The following ANKAR variants were observed in gnomAD, a reference collection of about 807,000 sequenced individuals.
ANKAR encodes ankyrin and armadillo repeat-containing protein.
ANKAR carries 136 observed loss-of-function variants against 146.2 expected under a neutral mutation model. That is an observed-to-expected ratio of 0.93 (90% CI 0.81 to 1.07). The LOEUF (loss-of-function observed/expected upper bound fraction) is 1.07, where lower values mean the gene tolerates loss of function less well. Ranked by LOEUF, ANKAR falls within the 50% of genes least tolerant of loss-of-function variation. ANKAR has a pLI of 0.00. For missense variants in ANKAR, 1,567 were observed against 1,679.9 expected, an observed-to-expected ratio of 0.93 and a Z score of 1.18; for synonymous variants, 500 against 575.8, an observed-to-expected ratio of 0.87 and a Z score of 1.88.
chr2:189,698,125 A>C (rs2037515393), intron 7 of ANKAR, among the ~76,000 whole-genome samples: 3 of 152,226 alleles, frequency 2.0e-5, no homozygotes, highest in East Asian at 1.9e-4. Flanking sequence ...ATGGTAAGAC[A>C]TAAATAAAGT....
rs757850902 is a variant in ANKAR at position 189,676,723 on chromosome 2, T to C, written c.233T>C (p.Val78Ala). 1.1e-5 allele frequency: 17 copies of C among 1,614,094 alleles called. No individual in the cohort carries two copies. Among genetic ancestry groups the C allele is most frequent in the Admixed American group, 5.0e-5 (3 of 60,006 alleles). ...PCGIMSQMNN[V>A]GFSTAILLTP... Reference sequence around the variant, plus strand: ...GGAATTATGAGTCAAATGAATAACGTAGGCTTCTCCACTGCAATCCTACTG... The same window carrying C: ...GGAATTATGAGTCAAATGAATAACGCAGGCTTCTCCACTGCAATCCTACTG... The change falls in exon 2 of 23, where the codon GTA (valine) becomes GCA (alanine). Residue 78 changes from valine (V) to alanine (A), a missense_variant. Physicochemically the swap from Val to Ala is moderately conservative, Grantham distance 64. Transcript: ENST00000684021.
At chr2:189,719,970 G>A (rs186257604) in intron 11 of ANKAR, among the ~76,000 whole-genome samples, 157 bp downstream of exon 11, 28 of 152,262 alleles carry the variant, frequency 1.8e-4, no homozygotes, top group Admixed American at 5.9e-4. Context: ...AAACTCCACC[G>A]AAAAGTTGGC....
At chr2:189,724,037 CA>C (rs1232793933) in intron 12 of ANKAR, among the ~76,000 whole-genome samples, 2 of 152,142 alleles carry the variant, frequency 1.3e-5, no homozygotes, top group Non-Finnish European at 2.9e-5. Flanking sequence ...GAACGTAAAC[CA>C]TGCATTTGCA....
At chr2:189,735,812 G>A (rs548892738) in intron 17 of ANKAR, among the ~76,000 whole-genome samples, 1 of 152,276 alleles carries the variant, frequency 6.6e-6, no homozygotes. Context: ...AAAATTAGTT[G>A]CATTAATTTA....
chr2:189,706,453 A>C (rs904804865), intron 8 of ANKAR, among the ~76,000 whole-genome samples: 1 of 152,154 alleles, frequency 6.6e-6, no homozygotes, highest in African/African-American at 2.4e-5. Context: ...GGATAGCCAA[A>C]CAAAATATCT....
At chr2:189,757,929 G>T (rs1474385516) in intron 18 of ANKAR, among the ~76,000 whole-genome samples, 3 of 152,196 alleles carry the variant, frequency 2.0e-5, no homozygotes, top group African/African-American at 4.8e-5. Context: ...TGCTCACTTA[G>T]TGATATGGTT....
At chr2:189,741,236 G>T in intron 19 of ANKAR, 106 bp from the exon 20 acceptor site, 1 of 644,580 alleles carries the variant, frequency 1.6e-6, no homozygotes. Context: ...CATTGACAGA[G>T]ATGTCTTGTG....
intron 20 of ANKAR, 117 bp from the exon 21 acceptor site, chr2:189,743,157 AT>A (rs2105903299): frequency 1.1e-6 from 1 of 910,822 alleles, no homozygotes; most frequent in African/African-American, 1.7e-5. Context: ...TTGCATACAT[AT>A]TTGCTTACAC....
Position 189,706,969 on chromosome 2 carries a change from ACTT to A in ANKAR, c.1944_1946del (p.Ser649del). The stretch of plus-strand genomic sequence containing the variant: ...GTGCACTCCACTGTTACTTGCTGCC[ACTT>A]CAGGAGCACTGGACACTATTCAATA... On this transcript the variant is annotated inframe_deletion, in exon 9 of 23. Transcript: ENST00000684021. The A allele has an allele frequency of 6.2e-7, 1 of 1,612,972 alleles. No homozygotes were observed. Among genetic ancestry groups the A allele is most frequent in the Non-Finnish European group, 8.5e-7 (1 of 1,179,530 alleles).
Position 189,695,131 on chromosome 2 carries a change from G to A in ANKAR, c.1458G>A (p.Lys486=), listed in dbSNP as rs2037006339. 6.2e-7 allele frequency: 1 copy of A among 1,606,214 alleles called. No individual in the cohort carries two copies. Among genetic ancestry groups the A allele is most frequent in the African/African-American group, 1.3e-5 (1 of 74,298 alleles). The change falls in exon 6 of 23, where the codon AAG becomes AAA. Residue 486 remains lysine (K), a synonymous_variant. Transcript: ENST00000684021. ...DAQLHEQFKK[K]LGFKRAMKCK... ...AATTACATGAACAATTTAAGAAAAA[G>A]CTTGGTTTCAAAAGAGCTATGAAAT...
chr2:189,762,198 A>G (rs1446295974), downstream of ANKAR, among the ~76,000 whole-genome samples: 1 of 152,232 alleles, frequency 6.6e-6, no homozygotes, highest in Non-Finnish European at 1.5e-5. Context: ...TTGGAATTAA[A>G]TCTCCACTTT....
chr2:189,682,708 G>A (rs16831859), intron 2 of ANKAR, among the ~76,000 whole-genome samples: 2,837 of 152,306 alleles, frequency 0.019, 88 homozygotes, highest in African/African-American at 0.064. Flanking sequence ...AAACAAGGAC[G>A]TGAGTCAAGT....
chr2:189,712,715 C>T (rs2039877581), intron 10 of ANKAR, among the ~76,000 whole-genome samples: 1 of 152,290 alleles, frequency 6.6e-6, no homozygotes, highest in Admixed American at 6.5e-5. Flanking sequence ...CACCTCTTCT[C>T]CTCCAAAGGA....
At chr2:189,735,328 A>T (rs907700292) in intron 17 of ANKAR, among the ~76,000 whole-genome samples, 10 of 152,208 alleles carry the variant, frequency 6.6e-5, no homozygotes, top group Non-Finnish European at 1.3e-4. Flanking sequence ...GGTTTAACCA[A>T]AGGATTTATC....
In ANKAR at chr2:189,742,103, C is replaced by A. The variant is rs534778346; in HGVS notation, c.3810+652C>A. Among the ~76,000 whole-genome samples, 10 of 152,276 alleles carry A rather than the reference C, an allele frequency of 6.6e-5. No individual in the cohort carries two copies. The South Asian group carries it at 1.9e-3, about 28-fold the overall frequency. Reference sequence around the variant, plus strand: ...CTGAGTGTTCCCCTACTCTCTTCCACTAAGGTCTAAAGCAGTGTTACTCCA... The same window carrying A: ...CTGAGTGTTCCCCTACTCTCTTCCAATAAGGTCTAAAGCAGTGTTACTCCA... On this transcript the variant is annotated intron_variant, in intron 20 of 22. Coordinates refer to ENST00000684021, the MANE Select transcript of ANKAR (RefSeq NM_001378068.1).
In ANKAR at chr2:189,727,796, C is replaced by T. The variant is rs2042038173; in HGVS notation, c.2636-60C>T. 4.5e-6 allele frequency: 7 copies of T among 1,555,072 alleles called. No homozygotes were observed. The East Asian group carries it at 1.4e-4, about 30-fold the overall frequency. On this transcript the variant is annotated intron_variant, in intron 12 of 22. Coordinates refer to ENST00000684021, the MANE Select transcript of ANKAR (RefSeq NM_001378068.1). ...AATATGGGAAACTAATGATATGCTG[C>T]ACTTTGATATTCTTATTTTTCATAA...
rs761609665 is a variant in ANKAR at position 189,744,746 on chromosome 2, GAGA to G, written c.4020_4022del (p.Lys1340del). On this transcript the variant is annotated inframe_deletion, in exon 22 of 23. Transcript: ENST00000684021. ...ACAAAAATGTTTTCCTTTTAGTCTG[GAGA>G]AGAATGGAGGACCATCCATAATTCC... 1.3e-6 allele frequency: 2 copies of G among 1,591,786 alleles called. No homozygotes were observed. Among genetic ancestry groups the G allele is most frequent in the Admixed American group, 1.7e-5 (1 of 58,800 alleles).
intron 5 of ANKAR, among the ~76,000 whole-genome samples, chr2:189,693,547 A>G (rs973019122): frequency 1.3e-5 from 2 of 152,196 alleles, no homozygotes; most frequent in Non-Finnish European, 2.9e-5. Flanking sequence ...CTCAGAGGAA[A>G]CATTTTAATT....
intron 16 of ANKAR, among the ~76,000 whole-genome samples, chr2:189,731,288 T>C (rs1321098104): frequency 2.6e-5 from 4 of 152,072 alleles, no homozygotes; most frequent in African/African-American, 7.2e-5. Flanking sequence ...TTTTCAAAAT[T>C]TGGTATGCAT....
Sources: gnomAD v4.1 joint callset for allele counts (sites outside exome capture counted in the v4.1 genomes callset) on GRCh38, gnomAD v4.1.1 for gene constraint, MANE v1.5 for transcripts, NCBI Gene and HGNC (gene_info 2026-07-23, HGNC 2026-07-21) for gene names.